Variants in SLC15A2 observed in about 807,000 individuals in gnomAD.
The protein encoded by SLC15A2 is kidney H(+)/peptide cotransporter.
A neutral mutation model predicts 95.5 loss-of-function variants in SLC15A2; 77 were observed. The observed-to-expected ratio is 0.81, with a 90% CI of 0.67 to 0.97. SLC15A2 has a LOEUF of 0.97. Among genes scored for constraint, SLC15A2 ranks in the 50% least tolerant of loss-of-function variants. The pLI is 0.00. For synonymous variants in SLC15A2, 306 were observed against 306.9 expected (o/e 1.00, Z 0.03); for missense variants, 893 against 874.4 (o/e 1.02, Z -0.27).
intron 19 of SLC15A2, among the ~76,000 whole-genome samples, chr3:121,938,626 C>T (rs2107613876): frequency 6.6e-6 from 1 of 152,334 alleles, no homozygotes. Context: ...CTTTGGCTCG[C>T]ACACGGTGTG....
intron 19 of SLC15A2, among the ~76,000 whole-genome samples, chr3:121,937,131 T>A (rs1473259185): frequency 2.1e-4 from 18 of 86,972 alleles, no homozygotes. Context: ...TGCCGAGAGA[T>A]CCGCTGTTAG....
At chr3:121,896,033 A>G (rs1018274876) in intron 1 of SLC15A2, among the ~76,000 whole-genome samples, 1 of 152,178 alleles carries the variant, frequency 6.6e-6, no homozygotes, top group Non-Finnish European at 1.5e-5. Flanking sequence ...CACTGCTTGG[A>G]TATCAGGTAT....
At chr3:121,939,902 C>T (rs2689277) in intron 20 of SLC15A2, among the ~76,000 whole-genome samples, 3,907 of 152,088 alleles carry the variant, frequency 0.026, 148 homozygotes, top group African/African-American at 0.089. Context: ...GCCTCCCCGG[C>T]TCAAGCGATT....
intron 5 of SLC15A2, 98 bp downstream of exon 5, chr3:121,913,218 G>A: frequency 1.2e-6 from 1 of 863,254 alleles, no homozygotes; most frequent in Non-Finnish European, 1.9e-6. Context: ...GTAATGTACT[G>A]GTCAGATCTT....
At chr3:121,912,441 C>T (rs573017480) in intron 4 of SLC15A2, among the ~76,000 whole-genome samples, 1 of 152,162 alleles carries the variant, frequency 6.6e-6, no homozygotes, top group South Asian at 2.1e-4. Context: ...ACCATGTTGG[C>T]CAGGCTGGTC....
At chr3:121,900,972 T>G (rs1369898044) in intron 3 of SLC15A2, among the ~76,000 whole-genome samples, 1 of 149,420 alleles carries the variant, frequency 6.7e-6, no homozygotes, top group Non-Finnish European at 1.5e-5. Context: ...ATTTATATAT[T>G]ATATGAATGT....
chr3:121,922,414 A>G lies in SLC15A2; in HGVS notation c.780+112A>G, dbSNP rs948049265. ...CATTTTTCTCAATGACCTCTATTCT[A>G]TTTTCATGTTTTTTAACAAGCTAAG... On this transcript the variant is annotated intron_variant, in intron 8 of 21. Transcript: ENST00000489711. The G allele has an allele frequency of 3.7e-5, 28 of 751,574 alleles. No individual in the cohort carries two copies. In the African/African-American group the frequency reaches 4.6e-4, roughly 12 times the overall value. 46.6% of individuals were successfully genotyped at this position (751,574 alleles called of 1,614,324 possible).
At chr3:121,939,129 T>G (rs1028066376) in intron 19 of SLC15A2, 1 of 374,970 alleles carries the variant, frequency 2.7e-6, no homozygotes, top group Middle Eastern at 6.8e-4. Flanking sequence ...TTATTTAAAG[T>G]CTCTGTCAAT....
chr3:121,900,377 G>C (rs904380227), intron 3 of SLC15A2, among the ~76,000 whole-genome samples: 4 of 152,106 alleles, frequency 2.6e-5, no homozygotes. Context: ...TTTAAATTGA[G>C]ATATTAAAAT....
At chr3:121,915,173 TG>T in intron 5 of SLC15A2, 53 bp from the exon 6 acceptor site, 1 of 1,380,656 alleles carries the variant, frequency 7.2e-7, no homozygotes, top group East Asian at 2.3e-5. Flanking sequence ...GAACGTGGAG[TG>T]GGGCTGGAGC....
At chr3:121,899,817 C>CT (rs1709490048) in intron 3 of SLC15A2, among the ~76,000 whole-genome samples, 1 of 152,078 alleles carries the variant, frequency 6.6e-6, no homozygotes, top group Non-Finnish European at 1.5e-5. Context: ...TGTAAATCAT[C>CT]TTTTTTCCTT....
At position 121,897,396 on chromosome 3, in the gene SLC15A2, ATCCTGTATT is replaced by A. The variant is rs777366878; in HGVS notation, c.217_225del (p.Tyr73_Leu75del). 26 of 1,613,628 alleles carry A rather than the reference ATCCTGTATT, an allele frequency of 1.6e-5. No homozygotes were observed. Among genetic ancestry groups the A allele is most frequent in the East Asian group, 8.9e-5 (4 of 44,848 alleles). On this transcript the variant is annotated inframe_deletion, in exon 3 of 22. Transcript: ENST00000489711. ...TTTTTTTCCCACTACAGCTGTGCTGATCCTGTATTTCCTGTATTTCCTGCACTGGAATGA... is the reference window on the plus strand; with the variant it reads ...TTTTTTTCCCACTACAGCTGTGCTGATCCTGTATTTCCTGCACTGGAATGA...
intron 11 of SLC15A2, 135 bp from the exon 12 acceptor site, chr3:121,924,216 G>A: frequency 2.8e-6 from 2 of 715,184 alleles, no homozygotes; most frequent in South Asian, 3.4e-5. Flanking sequence ...CAAAATAGTG[G>A]CCCTGAACCA....
At chr3:121,934,783 A>G (rs1417251609) in intron 19 of SLC15A2, among the ~76,000 whole-genome samples, 1 of 152,190 alleles carries the variant, frequency 6.6e-6, no homozygotes, top group East Asian at 1.9e-4. Flanking sequence ...TGCCCTGGCC[A>G]GAACTTCCAA....
At chr3:121,934,031 A>T in intron 19 of SLC15A2, among the ~76,000 whole-genome samples, 1 of 150,168 alleles carries the variant, frequency 6.7e-6, no homozygotes, top group Non-Finnish European at 1.5e-5. Context: ...TCCTTTCCCC[A>T]TTGCTTGTTT....
chr3:121,897,123 G>A (rs1328576450), intron 2 of SLC15A2, among the ~76,000 whole-genome samples: 1 of 151,426 alleles, frequency 6.6e-6, no homozygotes, highest in Non-Finnish European at 1.5e-5. Flanking sequence ...GTTCATGGTT[G>A]GCCTAAATGA....
chr3:121,935,297 T>G (rs946600620), intron 19 of SLC15A2, among the ~76,000 whole-genome samples: 17 of 152,322 alleles, frequency 1.1e-4, no homozygotes, highest in African/African-American at 4.1e-4. Flanking sequence ...TTAGGGAGGA[T>G]TCCCTCTTTT....
Position 121,941,160 on chromosome 3 carries a change from G to A in SLC15A2, c.*153G>A. ...CAGAAGTTCCAGGACTGGTTTTCCA[G>A]TACATCTTTAAACAAGGCCCCAGAG... On this transcript the variant is annotated 3_prime_UTR_variant, in exon 22 of 22. Coordinates refer to ENST00000489711, the MANE Select transcript of SLC15A2 (RefSeq NM_021082.4). 2 of 662,228 alleles carry A rather than the reference G, an allele frequency of 3.0e-6. No individual in the cohort carries two copies. Among genetic ancestry groups the A allele is most frequent in the Non-Finnish European group, 5.0e-6 (2 of 397,380 alleles). 41.0% of individuals were successfully genotyped at this position (662,228 alleles called of 1,614,324 possible).
chr3:121,935,580 A>C (rs964736023), intron 19 of SLC15A2, among the ~76,000 whole-genome samples: 8 of 152,032 alleles, frequency 5.3e-5, no homozygotes, highest in Non-Finnish European at 8.8e-5. Flanking sequence ...CTCTGATGGT[A>C]GTTTGTATTT....
Sources: allele counts gnomAD v4.1 joint callset (sites outside exome capture counted in the v4.1 genomes callset), GRCh38; gene constraint gnomAD v4.1.1; transcripts MANE v1.5; gene names NCBI Gene and HGNC (gene_info 2026-07-23, HGNC 2026-07-21).